The following PRKN variants were observed in gnomAD, a reference collection of about 807,000 sequenced individuals.
PRKN encodes E3 ubiquitin-protein ligase parkin.
PRKN carries 56 observed loss-of-function variants against 59.5 expected under a neutral mutation model. The observed-to-expected ratio is 0.94, with a 90% CI of 0.76 to 1.18. PRKN has a LOEUF of 1.18. PRKN is among the 50% of genes most tolerant of loss of function. The pLI, the probability that PRKN is intolerant of heterozygous loss-of-function variation, is 0.00. For missense variants in PRKN, 657 were observed against 596.4 expected (o/e 1.10, Z -1.06); for synonymous variants, 250 against 222.1 (o/e 1.13, Z -1.12).
chr6:162,094,502 GTAAT>G (rs761222034), intron 4 of PRKN, among the ~76,000 whole-genome samples: 50 of 152,050 alleles, frequency 3.3e-4, no homozygotes, highest in East Asian at 9.7e-4. Flanking sequence ...AACAAATAAA[GTAAT>G]TAATTAATTA....
chr6:162,102,588 A>T (rs1780017356), intron 4 of PRKN, among the ~76,000 whole-genome samples: 1 of 152,162 alleles, frequency 6.6e-6, no homozygotes, highest in Non-Finnish European at 1.5e-5. Flanking sequence ...TTTTTTGCAC[A>T]AATATTTGAA....
chr6:161,456,409 C>G lies in PRKN; in HGVS notation c.1084-69532G>C, dbSNP rs1328258659. ...ACACCAGTGGTTTGCCAGGGGCTCT[C>G]AGGCCTTTGGCCACAGACTGAAGGC... On this transcript the variant is annotated intron_variant, in intron 9 of 11. Transcript: ENST00000366898. The surrounding 1 kb of genome is among the most constrained non-coding windows in gnomAD (Gnocchi z 4.8). Among the ~76,000 whole-genome samples, 1 of 152,214 alleles carries G rather than the reference C, an allele frequency of 6.6e-6. No individual in the cohort carries two copies. Among genetic ancestry groups the G allele is most frequent in the East Asian group, 1.9e-4 (1 of 5,190 alleles).
chr6:161,977,312 G>T (rs578090616), intron 5 of PRKN, among the ~76,000 whole-genome samples: 1 of 152,068 alleles, frequency 6.6e-6, no homozygotes, highest in Non-Finnish European at 1.5e-5. Flanking sequence ...CCCTCCACAC[G>T]TCTCTCTCAG....
At chr6:161,679,741 C>CTCTTTT (rs1785239788) in intron 7 of PRKN, among the ~76,000 whole-genome samples, 1 of 23,484 alleles carries the variant, frequency 4.3e-5, no homozygotes, top group African/African-American at 2.0e-4. Flanking sequence ...TCAGAGCCAG[C>CTCTTTT]TTTTTTTTTT....
At chr6:161,381,780 T>C (rs1346313857) in intron 10 of PRKN, among the ~76,000 whole-genome samples, 1 of 152,128 alleles carries the variant, frequency 6.6e-6, no homozygotes, top group Non-Finnish European at 1.5e-5. Flanking sequence ...CACTGCAGGA[T>C]ACAGGATGCG....
At chr6:161,835,410 T>G (rs1483892003) in intron 6 of PRKN, among the ~76,000 whole-genome samples, 5 of 152,148 alleles carry the variant, frequency 3.3e-5, no homozygotes, top group Non-Finnish European at 7.4e-5. Context: ...TCCGTACCCT[T>G]GTTTAATCTG....
intron 1 of PRKN, among the ~76,000 whole-genome samples, chr6:162,600,513 T>C (rs143180928): frequency 2.6e-4 from 40 of 152,314 alleles, no homozygotes; most frequent in African/African-American, 8.4e-4. Flanking sequence ...TCAGATCCCA[T>C]ACCCCAAAAC....
intron 1 of PRKN, among the ~76,000 whole-genome samples, chr6:162,700,018 C>T (rs1335034509): frequency 6.6e-6 from 1 of 152,174 alleles, no homozygotes; most frequent in Non-Finnish European, 1.5e-5. Flanking sequence ...GCACTTCACA[C>T]AAATAATCAT....
At chr6:162,083,344 A>G (rs780119098) in intron 4 of PRKN, among the ~76,000 whole-genome samples, 32 of 152,252 alleles carry the variant, frequency 2.1e-4, no homozygotes, top group Admixed American at 7.8e-4. Flanking sequence ...AAGTGGGCAC[A>G]TACTGTTGGA....
intron 6 of PRKN, among the ~76,000 whole-genome samples, chr6:161,787,161 A>G (rs1790452850): frequency 6.6e-6 from 1 of 152,234 alleles, no homozygotes; most frequent in African/African-American, 2.4e-5. Context: ...CTTTTTCTAG[A>G]GAAATGAATA....
At chr6:161,974,986 G>A (rs1780968862) in intron 5 of PRKN, among the ~76,000 whole-genome samples, 1 of 151,836 alleles carries the variant, frequency 6.6e-6, no homozygotes, top group Non-Finnish European at 1.5e-5. Context: ...TGGCAAGTTG[G>A]ATTTTTCCCT....
intron 2 of PRKN, among the ~76,000 whole-genome samples, chr6:162,418,900 T>C (rs1312299775): frequency 6.6e-6 from 1 of 151,518 alleles, no homozygotes; most frequent in East Asian, 2.0e-4. Context: ...TCTGCGAGGG[T>C]GTGGGGCACC....
chr6:162,136,568 T>G (rs1409887657), intron 4 of PRKN, among the ~76,000 whole-genome samples: 1 of 152,242 alleles, frequency 6.6e-6, no homozygotes, highest in Non-Finnish European at 1.5e-5. Flanking sequence ...TTTAATTTCC[T>G]AGGCATAAGT....
rs1333647169 is a variant in PRKN, at chr6:161,561,751, C to T, written c.933+7604G>A. The stretch of plus-strand genomic sequence containing the variant: ...GTAATTCATCTCTGTGGAATCCTTC[C>T]TGTGAGTGTAAAACAAGTTCTGGCC... On this transcript the variant is annotated intron_variant, in intron 8 of 11. Coordinates refer to ENST00000366898, the MANE Select transcript of PRKN (RefSeq NM_004562.3). The surrounding 1 kb of genome is among the most constrained non-coding windows in gnomAD (Gnocchi z 5.0). Among the ~76,000 whole-genome samples the T allele has an allele frequency of 6.6e-6, 1 of 152,136 alleles. No homozygotes were observed. Among genetic ancestry groups the T allele is most frequent in the African/African-American group, 2.4e-5 (1 of 41,424 alleles).
intron 4 of PRKN, among the ~76,000 whole-genome samples, chr6:162,145,481 T>C (rs1170940553): frequency 1.3e-5 from 2 of 152,078 alleles, no homozygotes; most frequent in Non-Finnish European, 2.9e-5. Flanking sequence ...TTGTTGCTAG[T>C]GGAGAGTCTT....
At chr6:161,573,441 C>A (rs1466510767) in intron 7 of PRKN, among the ~76,000 whole-genome samples, 1 of 151,676 alleles carries the variant, frequency 6.6e-6, no homozygotes, top group African/African-American at 2.4e-5. Context: ...TTTCATTCGG[C>A]CAGGTGCGGT....
At chr6:161,472,140 G>C (rs546184564) in intron 9 of PRKN, among the ~76,000 whole-genome samples, 1 of 152,094 alleles carries the variant, frequency 6.6e-6, no homozygotes, top group East Asian at 1.9e-4. Flanking sequence ...TGAAGGATAA[G>C]CCCTTCACAG....
At chr6:161,945,914 C>G (rs1779759379) in intron 6 of PRKN, among the ~76,000 whole-genome samples, 1 of 152,178 alleles carries the variant, frequency 6.6e-6, no homozygotes, top group Non-Finnish European at 1.5e-5. Flanking sequence ...ACTGTCCTGC[C>G]AAGGACGAAG....
At position 162,004,079 on chromosome 6, in the gene PRKN, T is replaced by C. The variant is rs796155718; in HGVS notation, c.619-30662A>G. 2.0e-5 allele frequency among the ~76,000 whole-genome samples: 3 copies of C among 152,156 alleles called. No individual in the cohort carries two copies. In the South Asian group the frequency reaches 6.2e-4, roughly 31 times the overall value. Reference sequence around the variant, plus strand: ...GTTTGGATCTGTATCCCCACCCAAATCTCATATTGAATTGTAATCCCCAGT... The same window carrying C: ...GTTTGGATCTGTATCCCCACCCAAACCTCATATTGAATTGTAATCCCCAGT... On this transcript the variant is annotated intron_variant, in intron 5 of 11. Coordinates refer to ENST00000366898, the MANE Select transcript of PRKN (RefSeq NM_004562.3).
Sources: allele counts gnomAD v4.1 joint callset (sites outside exome capture counted in the v4.1 genomes callset), GRCh38; gene constraint gnomAD v4.1.1; non-coding constraint Gnocchi (gnomAD v3.1); transcripts MANE v1.5; gene names NCBI Gene and HGNC (gene_info 2026-07-23, HGNC 2026-07-21).